PDE10A: variants seen among roughly 807,000 people sequenced by gnomAD.
The protein encoded by PDE10A is cAMP and cAMP-inhibited cGMP 3',5'-cyclic phosphodiesterase 10A.
PDE10A carries 39 observed loss-of-function variants against 97.7 expected under a neutral mutation model. That is an observed-to-expected ratio of 0.40 (90% CI 0.31 to 0.52). The LOEUF (loss-of-function observed/expected upper bound fraction) is 0.52. Among genes scored for constraint, PDE10A ranks in the 20% least tolerant of loss-of-function variants. PDE10A has a pLI of 0.56. For synonymous variants in PDE10A, 371 were observed against 376.8 expected (o/e 0.98, Z 0.18); for missense variants, 731 against 1,047.8 (o/e 0.70, Z 4.17).
chr6:165,882,204 C>T (rs775283476), intron 1 of PDE10A, among the ~76,000 whole-genome samples: 1 of 152,156 alleles, frequency 6.6e-6, no homozygotes, highest in African/African-American at 2.4e-5. Context: ...TTCTCATGGT[C>T]GCATGACCCA....
At chr6:165,542,753 G>A (rs1171094417) in intron 2 of PDE10A, among the ~76,000 whole-genome samples, 1 of 151,250 alleles carries the variant, frequency 6.6e-6, no homozygotes, top group African/African-American at 2.4e-5. Flanking sequence ...TGAGTAGCTG[G>A]GACTACAGGT....
intron 1 of PDE10A, among the ~76,000 whole-genome samples, chr6:165,605,292 G>C (rs1787154617): frequency 6.6e-6 from 1 of 152,104 alleles, no homozygotes; most frequent in Non-Finnish European, 1.5e-5. Context: ...AAACCAACAA[G>C]TCACAGCTCA....
intron 1 of PDE10A, among the ~76,000 whole-genome samples, chr6:165,870,510 T>G (rs1366852804): frequency 6.6e-6 from 1 of 152,164 alleles, no homozygotes; most frequent in East Asian, 1.9e-4. Flanking sequence ...TTAGTAGGAA[T>G]GCAAATTAGT....
chr6:165,871,454 G>A (rs1175020916), intron 1 of PDE10A, among the ~76,000 whole-genome samples: 1 of 152,184 alleles, frequency 6.6e-6, no homozygotes, highest in Non-Finnish European at 1.5e-5. Flanking sequence ...GTGAATGCAG[G>A]GGGACAGGAG....
At chr6:165,650,121 G>C (rs1451062594) in intron 1 of PDE10A, among the ~76,000 whole-genome samples, 2 of 151,980 alleles carry the variant, frequency 1.3e-5, no homozygotes, top group Non-Finnish European at 2.9e-5. Context: ...AAATTTTAGG[G>C]GCTGACAAAT....
intron 2 of PDE10A, among the ~76,000 whole-genome samples, chr6:165,536,992 C>A (rs1783127298): frequency 6.6e-6 from 1 of 152,012 alleles, no homozygotes; most frequent in South Asian, 2.1e-4. Flanking sequence ...TATCTGTCCT[C>A]CCATGTTTAT....
chr6:165,664,099 G>A (rs1191153299), upstream of PDE10A, among the ~76,000 whole-genome samples: 1 of 152,158 alleles, frequency 6.6e-6, no homozygotes, highest in Non-Finnish European at 1.5e-5. Flanking sequence ...GCCTGGACGA[G>A]GTCACCTTCC....
intron 1 of PDE10A, among the ~76,000 whole-genome samples, chr6:165,744,143 G>A (rs1289891744): frequency 2.6e-5 from 4 of 152,154 alleles, no homozygotes. Flanking sequence ...TAAGATGCTA[G>A]ATTAATTACA....
intron 1 of PDE10A, among the ~76,000 whole-genome samples, chr6:165,682,432 C>A (rs1791001928): frequency 6.6e-6 from 1 of 152,130 alleles, no homozygotes; most frequent in South Asian, 2.1e-4. Context: ...TTGTGCCCAG[C>A]CCCAAATTTA....
intron 4 of PDE10A, among the ~76,000 whole-genome samples, chr6:165,449,885 T>C (rs1791158777): frequency 6.6e-6 from 1 of 152,162 alleles, no homozygotes; most frequent in African/African-American, 2.4e-5. Flanking sequence ...AAAATTGTCA[T>C]TTACCCAAAT....
intron 1 of PDE10A, among the ~76,000 whole-genome samples, chr6:165,986,806 G>T (rs998121203): frequency 3.3e-5 from 5 of 152,056 alleles, no homozygotes; most frequent in Non-Finnish European, 7.4e-5. Flanking sequence ...GACAGTGTTT[G>T]CAGTGTTTGG....
At position 165,468,641 on chromosome 6, in the gene PDE10A, C is replaced by T. The variant is rs184407329; in HGVS notation, c.1023+13674G>A. On this transcript the variant is annotated intron_variant, in intron 3 of 21. Transcript: ENST00000539869. ...GTGTGTCAAGCATTATCAGATGAGG[C>T]TACTATTCTCATGGAGTTTAAATCC... 5.3e-5 allele frequency among the ~76,000 whole-genome samples: 8 copies of T among 152,246 alleles called. No homozygotes were observed. In the East Asian group the frequency reaches 1.2e-3, roughly 22 times the overall value.
chr6:165,957,344 G>T (rs901217287), intron 1 of PDE10A, among the ~76,000 whole-genome samples: 1 of 151,970 alleles, frequency 6.6e-6, no homozygotes, highest in African/African-American at 2.4e-5. Context: ...AGTCAGACTT[G>T]GTGGCACATG....
chr6:165,566,676 A>G (rs1013552587), intron 1 of PDE10A, among the ~76,000 whole-genome samples: 1 of 152,214 alleles, frequency 6.6e-6, no homozygotes, highest in Non-Finnish European at 1.5e-5. Flanking sequence ...AAAGTGCCTG[A>G]TAAGTCATGA....
chr6:165,947,192 T>C (rs1783799260), intron 1 of PDE10A: 1 of 152,200 alleles, frequency 6.6e-6, no homozygotes, highest in African/African-American at 2.4e-5. Flanking sequence ...CATTTTGTCT[T>C]TTCCTCTATC....
At chr6:165,403,195 C>T (rs559059178) in intron 13 of PDE10A, among the ~76,000 whole-genome samples, 133 of 152,280 alleles carry the variant, frequency 8.7e-4, no homozygotes, top group African/African-American at 3.1e-3. Flanking sequence ...TATCAGCAAC[C>T]GTTATCTTAG....
intron 1 of PDE10A, among the ~76,000 whole-genome samples, chr6:165,706,016 C>G (rs185332379): frequency 3.3e-5 from 5 of 152,120 alleles, no homozygotes; most frequent in African/African-American, 9.7e-5. Context: ...GTGTTCTCTG[C>G]GAAGGGCGGC....
chr6:165,683,234 C>T (rs1311858476), intron 1 of PDE10A, among the ~76,000 whole-genome samples: 5 of 152,124 alleles, frequency 3.3e-5, no homozygotes, highest in African/African-American at 9.7e-5. Context: ...TGGAAGGATG[C>T]ATTGAATAAC....
intron 2 of PDE10A, among the ~76,000 whole-genome samples, chr6:165,538,028 C>CTAGTATAT (rs1783198784): frequency 6.6e-6 from 1 of 151,956 alleles, no homozygotes; most frequent in Non-Finnish European, 1.5e-5. Context: ...TATCCTTCTT[C>CTAGTATAT]CGTATATATA....
Sources: allele counts gnomAD v4.1 joint callset (sites outside exome capture counted in the v4.1 genomes callset), GRCh38; gene constraint gnomAD v4.1.1; transcripts MANE v1.5; gene names NCBI Gene and HGNC (gene_info 2026-07-23, HGNC 2026-07-21).